Variants in BUB1 observed in about 807,000 individuals in gnomAD.
BUB1 encodes mitotic checkpoint serine/threonine-protein kinase BUB1.
A neutral mutation model predicts 135.2 loss-of-function variants in BUB1; 84 were observed. The ratio of observed to expected loss-of-function variants is 0.62; its 90% CI spans 0.52 to 0.74. BUB1 has a LOEUF of 0.74. Among genes scored for constraint, BUB1 ranks in the 30% least tolerant of loss-of-function variants. The probability of loss-of-function intolerance (pLI) is 0.00; values close to 1 mark genes in which losing one functional copy is unlikely to be tolerated. For synonymous variants in BUB1, 403 were observed against 434.4 expected (o/e 0.93, Z 0.90); for missense variants, 1,162 against 1,288.3 (o/e 0.90, Z 1.50).
At chr2:110,669,421 G>T in intron 6 of BUB1, 32 bp downstream of exon 6, 1 of 1,477,992 alleles carries the variant, frequency 6.8e-7, no homozygotes, top group Non-Finnish European at 9.5e-7. Context: ...ACCATTCCCA[G>T]TTTCCACACA....
At chr2:110,667,738 A>G (rs1486818245) in intron 7 of BUB1, 33 bp from the exon 8 acceptor site, 2 of 1,610,468 alleles carry the variant, frequency 1.2e-6, no homozygotes, top group South Asian at 2.2e-5. Flanking sequence ...ATTTACAACA[A>G]TGTACCTAAG....
chr2:110,662,240 T>C (rs1690120110), intron 9 of BUB1, among the ~76,000 whole-genome samples: 1 of 152,188 alleles, frequency 6.6e-6, no homozygotes, highest in Admixed American at 6.5e-5. Context: ...GTATATGAGA[T>C]AGGGCTTGAA....
chr2:110,645,455 A>G (rs1434993852), intron 19 of BUB1, among the ~76,000 whole-genome samples: 4 of 151,898 alleles, frequency 2.6e-5, no homozygotes, highest in African/African-American at 4.8e-5. Flanking sequence ...AAAAAAAAAA[A>G]GTAAAGGGAT....
intron 10 of BUB1, chr2:110,660,765 G>A (rs983569655): frequency 6.6e-6 from 1 of 152,250 alleles, no homozygotes; most frequent in Non-Finnish European, 1.5e-5. Context: ...GTGCGCCTCA[G>A]CTGTGCAGGA....
At chr2:110,657,002 G>GATTTCATA in intron 15 of BUB1, 34 bp downstream of exon 15, 1 of 1,535,108 alleles carries the variant, frequency 6.5e-7, no homozygotes. Flanking sequence ...ATGGGTTGTA[G>GATTTCATA]GACCCATTTC....
Position 110,649,450 on chromosome 2 carries a change from T to C in BUB1, c.2204-73A>G, listed in dbSNP as rs532697415. Reference sequence around the variant, plus strand: ...CTCAAGAACTTTACCAAATAAATTATAGACAAAGTGAGTAGAGATATTTAC... The same window carrying C: ...CTCAAGAACTTTACCAAATAAATTACAGACAAAGTGAGTAGAGATATTTAC... On this transcript the variant is annotated intron_variant, in intron 18 of 24. Coordinates refer to ENST00000302759, the MANE Select transcript of BUB1 (RefSeq NM_004336.5). 21 of 1,358,918 alleles carry C rather than the reference T, an allele frequency of 1.5e-5. No individual in the cohort carries two copies. In the South Asian group the frequency reaches 2.2e-4, roughly 14 times the overall value. 84.2% of individuals were successfully genotyped at this position (1,358,918 alleles called of 1,614,324 possible).
At chr2:110,673,266 G>A (rs1221988632) in intron 3 of BUB1, among the ~76,000 whole-genome samples, 2 of 152,196 alleles carry the variant, frequency 1.3e-5, no homozygotes, top group African/African-American at 4.8e-5. Flanking sequence ...GTGTTCATCA[G>A]TATTCTTAAT....
intron 11 of BUB1, 43 bp downstream of exon 11, chr2:110,659,935 G>A: frequency 1.3e-6 from 2 of 1,547,696 alleles, no homozygotes; most frequent in South Asian, 2.3e-5. Flanking sequence ...GAGTGATACA[G>A]AGGAATCTGG....
chr2:110,656,903 C>T, intron 15 of BUB1, 133 bp downstream of exon 15: 1 of 530,384 alleles, frequency 1.9e-6, no homozygotes, highest in Non-Finnish European at 3.2e-6. Flanking sequence ...CTAAAAGAAA[C>T]ATATTCTTCC....
At chr2:110,660,827 A>T (rs534837587) in intron 10 of BUB1, 1 of 152,388 alleles carries the variant, frequency 6.6e-6, no homozygotes, top group Admixed American at 6.5e-5. Context: ...TCTAGCATTT[A>T]AAAGTAATGG....
intron 17 of BUB1, 40 bp downstream of exon 17, chr2:110,653,396 A>C (rs1689833933): frequency 6.4e-7 from 1 of 1,571,200 alleles, no homozygotes; most frequent in South Asian, 1.1e-5. Flanking sequence ...TTAGAATGAA[A>C]ATGAAGAGAA....
intron 3 of BUB1, 107 bp from the exon 4 acceptor site, chr2:110,672,964 G>A: frequency 8.7e-7 from 1 of 1,149,934 alleles, no homozygotes. Flanking sequence ...CTTCGGATGG[G>A]AGCTGGTCAT....
At chr2:110,655,544 G>A (rs1337261618) in intron 16 of BUB1, among the ~76,000 whole-genome samples, 195 bp downstream of exon 16, 2 of 151,652 alleles carry the variant, frequency 1.3e-5, no homozygotes, top group African/African-American at 2.4e-5. Flanking sequence ...ATAGACTTTA[G>A]GAAGACAATA....
intron 19 of BUB1, among the ~76,000 whole-genome samples, chr2:110,647,366 A>G (rs1689669580): frequency 6.6e-6 from 1 of 152,236 alleles, no homozygotes; most frequent in Non-Finnish European, 1.5e-5. Flanking sequence ...CCAACAATGT[A>G]GAAAAAGAAT....
chr2:110,652,180 T>C (rs1393824615), intron 17 of BUB1, among the ~76,000 whole-genome samples: 2 of 152,084 alleles, frequency 1.3e-5, no homozygotes, highest in Non-Finnish European at 2.9e-5. Flanking sequence ...TCAATACTCA[T>C]AGTGATTTTT....
rs375036331 is a variant in BUB1 at position 110,655,861 on chromosome 2, C to A, written c.1754G>T (p.Arg585Leu). ...ACTGGGTGCCAGGGTTTTGTTGCAG[C>A]GAATACCCCATACAGTTGAGTCATC... The part of the protein sequence containing the change: ...FLDDSTVWGI[R>L]CNKTLAPSPK... The change falls in exon 16 of 25, where the codon CGC (arginine) becomes CTC (leucine). Residue 585 changes from arginine to leucine, a missense_variant. Transcript: ENST00000302759. 5 of 1,613,728 alleles carry A rather than the reference C, an allele frequency of 3.1e-6. No homozygotes were observed. The highest frequency in any genetic ancestry group is 2.7e-5 in the African/African-American group (2 of 74,850).
At chr2:110,659,635 A>G (rs1206016912) in intron 11 of BUB1, among the ~76,000 whole-genome samples, 13 of 152,274 alleles carry the variant, frequency 8.5e-5, no homozygotes, top group Admixed American at 2.0e-4. Flanking sequence ...CTAACAAAGT[A>G]GTACCGAATA....
At chr2:110,659,356 A>C (rs530370744) in intron 11 of BUB1, among the ~76,000 whole-genome samples, 1 of 152,262 alleles carries the variant, frequency 6.6e-6, no homozygotes, top group East Asian at 1.9e-4. Context: ...TTTCAACCCC[A>C]TAACTCCAAT....
chr2:110,673,244 T>C (rs2104560191), intron 3 of BUB1, among the ~76,000 whole-genome samples: 3 of 152,292 alleles, frequency 2.0e-5, no homozygotes, highest in Admixed American at 2.0e-4. Flanking sequence ...GCCCTAAACA[T>C]CTCTTCATCT....
Sources: allele counts gnomAD v4.1 joint callset (sites outside exome capture counted in the v4.1 genomes callset), GRCh38; gene constraint gnomAD v4.1.1; transcripts MANE v1.5; gene names NCBI Gene and HGNC (gene_info 2026-07-23, HGNC 2026-07-21).